The following PCCA variants were observed in gnomAD, a reference collection of about 807,000 sequenced individuals.
PCCA encodes the protein propionyl-CoA carboxylase alpha chain, mitochondrial.
PCCA carries 74 observed loss-of-function variants against 101.3 expected under a neutral mutation model. The observed-to-expected ratio is 0.73, with a 90% CI of 0.61 to 0.89. The LOEUF (loss-of-function observed/expected upper bound fraction) is 0.89, where lower values mean the gene tolerates loss of function less well. Ranked by LOEUF, PCCA falls within the 40% of genes least tolerant of loss-of-function variation. The pLI, the probability that PCCA is intolerant of heterozygous loss-of-function variation, is 0.00. For missense variants in PCCA, 891 were observed against 907.0 expected, an observed-to-expected ratio of 0.98 and a Z score of 0.23; for synonymous variants, 294 against 313.6, an observed-to-expected ratio of 0.94 and a Z score of 0.66.
rs141195025 is a variant in PCCA at position 100,140,945 on chromosome 13, A to G, written c.301-14034A>G. On this transcript the variant is annotated intron_variant, in intron 4 of 23. Transcript: ENST00000376285. ...AAAGGAGGTTTTCATTGTTGATAGC[A>G]CTATGTCCTAACCTTCATCTGAGGT... is the stretch of plus-strand genomic sequence containing the variant. Among the ~76,000 whole-genome samples the G allele has an allele frequency of 3.3e-5, 5 of 152,312 alleles. No individual in the cohort carries two copies. The East Asian group carries it at 9.7e-4, about 29-fold the overall frequency.
chr13:100,211,499 A>T lies in PCCA; in HGVS notation c.600+2036A>T, dbSNP rs553106347. On this transcript the variant is annotated intron_variant, in intron 7 of 23. Coordinates refer to ENST00000376285, the MANE Select transcript of PCCA (RefSeq NM_000282.4). Reference sequence around the variant, plus strand: ...AACATTTGAGTCTCTTGGTCAGTCCATACTTCTCTCATGAGATACTCACTT... The same window carrying T: ...AACATTTGAGTCTCTTGGTCAGTCCTTACTTCTCTCATGAGATACTCACTT... 7.2e-5 allele frequency among the ~76,000 whole-genome samples: 11 copies of T among 152,296 alleles called. 2 individuals are homozygous for T. The South Asian group carries it at 2.3e-3, about 32-fold the overall frequency.
intron 6 of PCCA, among the ~76,000 whole-genome samples, chr13:100,190,142 T>C (rs2057638017): frequency 1.3e-5 from 2 of 152,150 alleles, no homozygotes; most frequent in South Asian, 2.1e-4. Context: ...GAGAGCACTG[T>C]TTTCTGATTA....
At chr13:100,259,747 G>A (rs1193904671) in intron 9 of PCCA, among the ~76,000 whole-genome samples, 1 of 152,132 alleles carries the variant, frequency 6.6e-6, no homozygotes, top group Non-Finnish European at 1.5e-5. Flanking sequence ...TGAAGCGTAT[G>A]GCATGATTGG....
At chr13:100,181,441 G>A (rs1464088410) in intron 6 of PCCA, among the ~76,000 whole-genome samples, 1 of 152,066 alleles carries the variant, frequency 6.6e-6, no homozygotes, top group Non-Finnish European at 1.5e-5. Flanking sequence ...TGGAAACAGG[G>A]TGTTGCTCTG....
At chr13:100,183,381 G>A (rs2056972743) in intron 6 of PCCA, among the ~76,000 whole-genome samples, 1 of 152,132 alleles carries the variant, frequency 6.6e-6, no homozygotes, top group Non-Finnish European at 1.5e-5. Flanking sequence ...TTTTGATGTG[G>A]CAGATTCTGG....
intron 18 of PCCA, among the ~76,000 whole-genome samples, chr13:100,359,973 G>T (rs747402664): frequency 2.3e-4 from 35 of 152,254 alleles, no homozygotes; most frequent in East Asian, 1.9e-4. Flanking sequence ...CTATGGAAAT[G>T]CAAAGGGACT....
At chr13:100,253,688 T>C (rs1390595334) in intron 8 of PCCA, among the ~76,000 whole-genome samples, 1 of 152,108 alleles carries the variant, frequency 6.6e-6, no homozygotes, top group Non-Finnish European at 1.5e-5. Context: ...AGTGCCTCTT[T>C]TATTGTGCAG....
intron 12 of PCCA, among the ~76,000 whole-genome samples, chr13:100,298,211 A>G (rs1326846644): frequency 6.6e-6 from 1 of 152,098 alleles, no homozygotes; most frequent in Admixed American, 6.6e-5. Flanking sequence ...TGTATTTTGA[A>G]TGTTTTTGAG....
Position 100,107,047 on chromosome 13 carries a change from C to G in PCCA, c.183+4087C>G, listed in dbSNP as rs536529964. ...TTGTAACCATTCATTAAATACTGAC[C>G]TGGTTTGTTTATACCTACTGTCCCA... is the stretch of plus-strand genomic sequence containing the variant. On this transcript the variant is annotated intron_variant, in intron 2 of 23. Coordinates refer to ENST00000376285, the MANE Select transcript of PCCA (RefSeq NM_000282.4). Among the ~76,000 whole-genome samples, 4 of 152,262 alleles carry G rather than the reference C, an allele frequency of 2.6e-5. No homozygotes were observed. The South Asian group carries it at 8.3e-4, about 32-fold the overall frequency.
intron 23 of PCCA, 54 bp from the exon 24 acceptor site, chr13:100,530,044 G>C (rs1265219695): frequency 2.9e-6 from 4 of 1,393,612 alleles, no homozygotes; most frequent in Non-Finnish European, 4.1e-6. Flanking sequence ...CCGCCTCTTG[G>C]TTCTGGTTAC....
intron 7 of PCCA, among the ~76,000 whole-genome samples, chr13:100,225,764 A>G (rs1203868238): frequency 6.6e-6 from 1 of 152,204 alleles, no homozygotes; most frequent in African/African-American, 2.4e-5. Flanking sequence ...TTTTACAATG[A>G]TAGAAAAGTG....
At position 100,309,318 on chromosome 13, in the gene PCCA, A is replaced by T. The variant is rs532798681; in HGVS notation, c.1354-515A>T. On this transcript the variant is annotated intron_variant, in intron 15 of 23. Coordinates refer to ENST00000376285, the MANE Select transcript of PCCA (RefSeq NM_000282.4). ...AGGCTGAGGCGAGAGGATCGCTTGAACCTGTGAGGCGGAGGTTGCAGTGAG... is the reference window on the plus strand; with the variant it reads ...AGGCTGAGGCGAGAGGATCGCTTGATCCTGTGAGGCGGAGGTTGCAGTGAG... Among the ~76,000 whole-genome samples, 6 of 152,282 alleles carry T rather than the reference A, an allele frequency of 3.9e-5. No individual in the cohort carries two copies. The South Asian group carries it at 1.2e-3, about 32-fold the overall frequency.
chr13:100,093,476 T>G (rs2046457941), intron 1 of PCCA, among the ~76,000 whole-genome samples: 2 of 152,144 alleles, frequency 1.3e-5, no homozygotes, highest in Admixed American at 6.6e-5. Flanking sequence ...ATTCATTCAT[T>G]TGTCTAGAGA....
intron 19 of PCCA, among the ~76,000 whole-genome samples, chr13:100,383,231 A>T (rs1198659100): frequency 6.6e-6 from 1 of 151,926 alleles, no homozygotes; most frequent in Non-Finnish European, 1.5e-5. Context: ...GGTTCAAGCC[A>T]TCTGCCCACC....
intron 6 of PCCA, among the ~76,000 whole-genome samples, chr13:100,183,238 AC>A (rs1020948267): frequency 1.3e-4 from 20 of 152,104 alleles, no homozygotes; most frequent in African/African-American, 4.6e-4. Flanking sequence ...TATCATAAAT[AC>A]TCTCTGTGCC....
At chr13:100,296,912 A>G (rs2065585729) in intron 12 of PCCA, among the ~76,000 whole-genome samples, 1 of 152,226 alleles carries the variant, frequency 6.6e-6, no homozygotes, top group Non-Finnish European at 1.5e-5. Flanking sequence ...AATCTGGTTC[A>G]GCATCCTGCA....
At chr13:100,230,590 C>A (rs1285871432) in intron 7 of PCCA, among the ~76,000 whole-genome samples, 1 of 151,626 alleles carries the variant, frequency 6.6e-6, no homozygotes, top group South Asian at 2.1e-4. Context: ...TGGAAGCATG[C>A]CACCCTGGAC....
At chr13:100,471,222 G>C (rs1398868011) in intron 21 of PCCA, among the ~76,000 whole-genome samples, 1 of 152,274 alleles carries the variant, frequency 6.6e-6, no homozygotes, top group East Asian at 1.9e-4. Flanking sequence ...GCCAGATAGT[G>C]GAGCAGTCAG....
At chr13:100,499,464 T>C (rs547467137) in intron 21 of PCCA, among the ~76,000 whole-genome samples, 1 of 152,378 alleles carries the variant, frequency 6.6e-6, no homozygotes, top group South Asian at 2.1e-4. Flanking sequence ...CCTCACTCCT[T>C]CTAGCCCACA....
Sources: gnomAD v4.1 joint callset for allele counts (sites outside exome capture counted in the v4.1 genomes callset) on GRCh38, gnomAD v4.1.1 for gene constraint, MANE v1.5 for transcripts, NCBI Gene and HGNC (gene_info 2026-07-23, HGNC 2026-07-21) for gene names.